Variants in TMEM225 observed in about 807,000 individuals in gnomAD.
The protein encoded by TMEM225 is transmembrane protein 225.
TMEM225 carries 10 observed loss-of-function variants against 17.6 expected under a neutral mutation model. That is an observed-to-expected ratio of 0.57 (90% CI 0.35 to 0.96). The LOEUF is 0.96. Among genes scored for constraint, TMEM225 ranks in the 40% least tolerant of loss-of-function variants. TMEM225 has a pLI of 0.02. For synonymous variants in TMEM225, 101 were observed against 94.5 expected (o/e 1.07, Z -0.40); for missense variants, 245 against 271.5 (o/e 0.90, Z 0.69).
At position 123,883,203 on chromosome 11, in the gene TMEM225, G is replaced by A. The variant is rs376459958; in HGVS notation, c.613C>T (p.Arg205Cys). Residue 205 changes from arginine to cysteine, a missense_variant, in exon 4 of 4, where the codon CGT (arginine) becomes TGT (cysteine). Coordinates refer to ENST00000375026, the MANE Select transcript of TMEM225 (RefSeq NM_001013743.3). ...TTTAGGGAATTCACAGTGTGTGCACGGACAATGCTACGAGGCATTGCAGTG... is the reference window on the plus strand; with the variant it reads ...TTTAGGGAATTCACAGTGTGTGCACAGACAATGCTACGAGGCATTGCAGTG... ...ECTAMPRSIV[R>C]AHTVNSLNKK... The A allele has an allele frequency of 2.5e-4, 396 of 1,613,420 alleles. No homozygotes were observed. The highest frequency in any genetic ancestry group is 5.0e-4 in the Admixed American group (30 of 59,950).
chr11:123,883,388 G>A (rs757503097), intron 3 of TMEM225, 36 bp from the exon 4 acceptor site: 18 of 1,468,050 alleles, frequency 1.2e-5, no homozygotes, highest in Non-Finnish European at 1.6e-5. Flanking sequence ...GGGATGAAGG[G>A]ACAATGGAGA....
Position 123,885,270 on chromosome 11 carries a change from C to T in TMEM225, c.156G>A (p.Met52Ile). The T allele has an allele frequency of 6.2e-7, 1 of 1,613,510 alleles. No individual in the cohort carries two copies. The highest frequency in any genetic ancestry group is 1.1e-5 in the South Asian group (1 of 91,048). Residue 52 changes from methionine (M) to isoleucine (I), a missense_variant, in exon 1 of 4, where the codon ATG (methionine) becomes ATA (isoleucine). Transcript: ENST00000375026. ...RAKMNHSPWM[M>I]CCPALWPEDD... The stretch of plus-strand genomic sequence containing the variant: ...CTTCTGGCCAAAGAGCAGGGCAACA[C>T]ATCATCCAAGGACTGTGGTTCATCT...
In TMEM225 at chr11:123,884,092, AAAACATTTAAGT is replaced by A; in HGVS notation, c.434_445del (p.Tyr145_Val148del). 6.2e-7 allele frequency: 1 copy of A among 1,610,506 alleles called. No homozygotes were observed. Among genetic ancestry groups the A allele is most frequent in the Non-Finnish European group, 8.5e-7 (1 of 1,178,542 alleles). On this transcript the variant is annotated inframe_deletion, in exon 3 of 4. Transcript: ENST00000375026. ...ACACTCACCACAGACAGACAAGAAG[AAAACATTTAAGT>A]AAGCAGTATACATGATCCAGGTGAT...
chr11:123,884,210 C>CT lies in TMEM225; in HGVS notation c.329-2dup, dbSNP rs1323120431. ...ATGAGTGCCCAGAGCAGAGAGATAC[C>CT]TGATGTCCAGACAAAAAAAAAAAAA... On this transcript the variant is annotated splice_acceptor_variant, in intron 2 of 3. Transcript: ENST00000375026. LOFTEE classifies it high-confidence loss of function. 1 of 1,488,512 alleles carries CT rather than the reference C, an allele frequency of 6.7e-7. No individual in the cohort carries two copies. Among genetic ancestry groups the CT allele is most frequent in the Non-Finnish European group, 9.0e-7 (1 of 1,115,312 alleles). The allele number at this position is 1,488,512 out of a possible 1,614,324, so 92.2% of individuals were successfully genotyped here. A position where few individuals can be genotyped will look rare whatever the true frequency, so the allele number is the denominator to read the frequency against.
Position 123,883,076 on chromosome 11 carries a change from C to A in TMEM225, c.*62G>T. On this transcript the variant is annotated 3_prime_UTR_variant, in exon 4 of 4. Coordinates refer to ENST00000375026, the MANE Select transcript of TMEM225 (RefSeq NM_001013743.3). ...AGAGACAACATGGTTGGAGACACAG[C>A]ACACACCCACAAAGCTTTTTCCATA... 1 of 1,351,254 alleles carries A rather than the reference C, an allele frequency of 7.4e-7. No individual in the cohort carries two copies. Among genetic ancestry groups the A allele is most frequent in the Admixed American group, 1.7e-5 (1 of 58,814 alleles). The allele number at this position is 1,351,254 out of a possible 1,614,324, so 83.7% of individuals were successfully genotyped here. A position where few individuals can be genotyped will look rare whatever the true frequency, so the allele number is the denominator to read the frequency against.
chr11:123,885,647 T>G lies in TMEM225; in HGVS notation c.-222A>C. On this transcript the variant is annotated 5_prime_UTR_variant, in exon 1 of 4. Coordinates refer to ENST00000375026, the MANE Select transcript of TMEM225 (RefSeq NM_001013743.3). ...CCAGCCTGCTGTCAGGACTGCCAAC[T>G]GCCATGGAATCATCTATTGGTTTGA... 2 of 545,598 alleles carry G rather than the reference T, an allele frequency of 3.7e-6. No individual in the cohort carries two copies. The highest frequency in any genetic ancestry group is 3.2e-6 in the Non-Finnish European group (1 of 309,564). The allele number at this position is 545,598 out of a possible 1,614,324, so 33.8% of individuals were successfully genotyped here. A position where few individuals can be genotyped will look rare whatever the true frequency, so the allele number is the denominator to read the frequency against.
Position 123,882,932 on chromosome 11 carries a change from G to T in TMEM225, c.*206C>A. The T allele has an allele frequency of 5.0e-6, 2 of 402,576 alleles. No individual in the cohort carries two copies. The highest frequency in any genetic ancestry group is 4.0e-5 in the East Asian group (1 of 24,994). 24.9% of individuals were successfully genotyped at this position (402,576 alleles called of 1,614,324 possible). A position where few individuals can be genotyped will look rare whatever the true frequency, so the allele number is the denominator to read the frequency against. ...ACAATACAGAAAGTATTATTTATATGATAATATTTATTATATTAACAACAA... is the reference window on the plus strand; with the variant it reads ...ACAATACAGAAAGTATTATTTATATTATAATATTTATTATATTAACAACAA... On this transcript the variant is annotated 3_prime_UTR_variant, in exon 4 of 4. Coordinates refer to ENST00000375026, the MANE Select transcript of TMEM225 (RefSeq NM_001013743.3).
intron 2 of TMEM225, 45 bp from the exon 3 acceptor site, chr11:123,884,254 A>T: frequency 6.5e-7 from 1 of 1,538,016 alleles, no homozygotes; most frequent in South Asian, 1.3e-5. Context: ...AAAAGAAAAA[A>T]GTCCCTTCTG....
chr11:123,884,542 A>T lies in TMEM225; in HGVS notation c.276T>A (p.Ile92=). The T allele has an allele frequency of 1.2e-6, 2 of 1,613,256 alleles. No individual in the cohort carries two copies. Among genetic ancestry groups the T allele is most frequent in the Non-Finnish European group, 1.7e-6 (2 of 1,179,552 alleles). The change falls in exon 2 of 4, where the codon ATT becomes ATA. Residue 92 remains isoleucine (I), a synonymous_variant. Transcript: ENST00000375026. ...AGAGTTGTATATATTTATTTTGAGG[A>T]ATCAGATAGGTGAATTTCATACCCA... The part of the protein sequence containing the change: ...LILGMKFTYL[I]PQNKYIQLFT...
chr11:123,885,335 C>G lies in TMEM225; in HGVS notation c.91G>C (p.Asp31His). 6.2e-7 allele frequency: 1 copy of G among 1,613,638 alleles called. No homozygotes were observed. The highest frequency in any genetic ancestry group is 8.5e-7 in the Non-Finnish European group (1 of 1,179,682). ...VVLMVMGITL[D>H]KWVELISEDE... ...TCTGAAATCAATTCAACCCATTTAT[C>G]TAAGGTGATTCCCATCACCATTAAG... Residue 31 changes from aspartate (D) to histidine (H), a missense_variant, in exon 1 of 4, where the codon GAT becomes CAT. By Grantham distance (81) the Asp-to-His change is moderately conservative (BLOSUM62 -1). Transcript: ENST00000375026.
chr11:123,885,153 G>A, intron 1 of TMEM225, 92 bp downstream of exon 1: 1 of 1,154,570 alleles, frequency 8.7e-7, no homozygotes, highest in Non-Finnish European at 1.2e-6. Context: ...AAAATAATGG[G>A]TACACTGGTG....
Position 123,885,265 on chromosome 11 carries a change from C to A in TMEM225, c.161G>T (p.Cys54Phe). 5.0e-6 allele frequency: 8 copies of A among 1,613,416 alleles called. No homozygotes were observed. Among genetic ancestry groups the A allele is most frequent in the Non-Finnish European group, 6.8e-6 (8 of 1,179,562 alleles). ...KMNHSPWMMC[C>F]PALWPEDDLK... Reference sequence around the variant, plus strand: ...CTGACCTTCTGGCCAAAGAGCAGGGCAACACATCATCCAAGGACTGTGGTT... The same window carrying A: ...CTGACCTTCTGGCCAAAGAGCAGGGAAACACATCATCCAAGGACTGTGGTT... The change falls in exon 1 of 4, where the codon TGC (cysteine) becomes TTC (phenylalanine). Residue 54 changes from cysteine to phenylalanine, a missense_variant. Physicochemically the swap from Cys to Phe is radical, Grantham distance 205 (BLOSUM62 -2). Coordinates refer to ENST00000375026, the MANE Select transcript of TMEM225 (RefSeq NM_001013743.3).
intron 2 of TMEM225, 119 bp from the exon 3 acceptor site, chr11:123,884,328 C>T (rs970258515): frequency 3.1e-5 from 42 of 1,367,404 alleles, no homozygotes; most frequent in South Asian, 6.2e-5. Context: ...AACCCCCACC[C>T]GGTCCAACTA....
intron 1 of TMEM225, 68 bp from the exon 2 acceptor site, chr11:123,884,704 C>CAGAA (rs1863016816): frequency 1.4e-6 from 2 of 1,469,816 alleles, no homozygotes; most frequent in Admixed American, 4.5e-5. Flanking sequence ...ACCTGGGGTC[C>CAGAA]AGAAGTCTCT....
chr11:123,884,279 C>G lies in TMEM225; in HGVS notation c.329-70G>C, dbSNP rs906895064. The G allele has an allele frequency of 3.9e-5, 59 of 1,498,462 alleles. No homozygotes were observed. In the African/African-American group the frequency reaches 7.4e-4, roughly 19 times the overall value. The allele number at this position is 1,498,462 out of a possible 1,614,324, so 92.8% of individuals were successfully genotyped here. ...AGTCCCTTCTGAGGAACTTTGGCTCCTTGATGCAAGTCTTCATTCCATATA... is the reference window on the plus strand; with the variant it reads ...AGTCCCTTCTGAGGAACTTTGGCTCGTTGATGCAAGTCTTCATTCCATATA... On this transcript the variant is annotated intron_variant, in intron 2 of 3. Coordinates refer to ENST00000375026, the MANE Select transcript of TMEM225 (RefSeq NM_001013743.3).
Position 123,884,656 on chromosome 11 carries a change from G to A in TMEM225, c.182-20C>T, listed in dbSNP as rs757838282. ...GGTCATCTGTTGGAAAGCAAAAGCT[G>A]TTTTGAGAGGACAGATATTTCTTCT... On this transcript the variant is annotated intron_variant, in intron 1 of 3. Coordinates refer to ENST00000375026, the MANE Select transcript of TMEM225 (RefSeq NM_001013743.3). The A allele has an allele frequency of 6.2e-6, 10 of 1,603,192 alleles. No homozygotes were observed. The South Asian group carries it at 1.0e-4, about 16-fold the overall frequency.
rs1367898191 is a variant in TMEM225, at chr11:123,884,565, C to T, written c.253G>A (p.Gly85Ser). ...GLSFLLNLIL[G>S]MKFTYLIPQN... The stretch of plus-strand genomic sequence containing the variant: ...GGAATCAGATAGGTGAATTTCATAC[C>T]CAGGATTAAGTTAAGGAGGAAGGAA... Residue 85 changes from glycine to serine, a missense_variant, in exon 2 of 4, where the codon GGT becomes AGT. Gly to Ser is a moderately conservative substitution (Grantham distance 56). Transcript: ENST00000375026. 1 of 1,612,932 alleles carries T rather than the reference C, an allele frequency of 6.2e-7. No homozygotes were observed. Among genetic ancestry groups the T allele is most frequent in the South Asian group, 1.1e-5 (1 of 91,020 alleles).
rs1863012108 is a variant in TMEM225, at chr11:123,884,481, G to A, written c.328+9C>T. 1.2e-6 allele frequency: 2 copies of A among 1,606,558 alleles called. No homozygotes were observed. The highest frequency in any genetic ancestry group is 2.2e-5 in the East Asian group (1 of 44,732). ...CTACAAGCTTGTGTTAGGGGAGCCA[G>A]GAAGTTACCTGAGAAGAAACTGAGG... On this transcript the variant is annotated intron_variant, in intron 2 of 3. Coordinates refer to ENST00000375026, the MANE Select transcript of TMEM225 (RefSeq NM_001013743.3).
chr11:123,885,235 C>T lies in TMEM225; in HGVS notation c.181+10G>A. 9 of 1,611,034 alleles carry T rather than the reference C, an allele frequency of 5.6e-6. No homozygotes were observed. The highest frequency in any genetic ancestry group is 1.3e-5 in the African/African-American group (1 of 74,922). On this transcript the variant is annotated intron_variant, in intron 1 of 3. Transcript: ENST00000375026. Reference sequence around the variant, plus strand: ...TTTCCACCCGTCTCTTTCTAGAGTACAGTTCTGACCTTCTGGCCAAAGAGC... The same window carrying T: ...TTTCCACCCGTCTCTTTCTAGAGTATAGTTCTGACCTTCTGGCCAAAGAGC...
Sources: allele counts gnomAD v4.1 joint callset, GRCh38; gene constraint gnomAD v4.1.1; transcripts MANE v1.5; gene names NCBI Gene and HGNC (gene_info 2026-07-23, HGNC 2026-07-21).